The following PPP1R12B variants were observed in gnomAD, a reference collection of about 807,000 sequenced individuals.
PPP1R12B encodes the protein protein phosphatase 1 regulatory subunit 12B.
Under a neutral mutation model 126.1 loss-of-function variants are expected in PPP1R12B, and 76 were observed. The ratio of observed to expected loss-of-function variants is 0.60; its 90% CI spans 0.50 to 0.73. The LOEUF (loss-of-function observed/expected upper bound fraction) is 0.73, where lower values mean the gene tolerates loss of function less well. Among genes scored for constraint, PPP1R12B ranks in the 30% least tolerant of loss-of-function variants. The pLI, the probability that PPP1R12B is intolerant of heterozygous loss-of-function variation, is 0.00. For synonymous variants in PPP1R12B, 356 were observed against 434.7 expected (o/e 0.82, Z 2.25); for missense variants, 1,052 against 1,205.1 (o/e 0.87, Z 1.88).
chr1:202,541,056 G>T (rs1390754228), intron 18 of PPP1R12B, among the ~76,000 whole-genome samples: 1 of 152,190 alleles, frequency 6.6e-6, no homozygotes, highest in African/African-American at 2.4e-5. Flanking sequence ...CAATAGCAAG[G>T]GATGAGAAGC....
chr1:202,513,221 G>A (rs1157121155), intron 18 of PPP1R12B, among the ~76,000 whole-genome samples: 33 of 152,152 alleles, frequency 2.2e-4, no homozygotes, highest in African/African-American at 7.5e-4. Context: ...TGATCCGCCC[G>A]CCTCAGCCTC....
chr1:202,404,741 T>G (rs1558184333), intron 1 of PPP1R12B, among the ~76,000 whole-genome samples: 1 of 152,166 alleles, frequency 6.6e-6, no homozygotes, highest in Non-Finnish European at 1.5e-5. Flanking sequence ...GACCTCATGA[T>G]CCGCCCACCT....
At chr1:202,439,887 G>A (rs1198018956) in intron 10 of PPP1R12B, 3 of 298,270 alleles carry the variant, frequency 1.0e-5, no homozygotes, top group African/African-American at 2.2e-5. Context: ...TGCCCTGCTT[G>A]CCCCACACTG....
chr1:202,404,020 G>A (rs1463665826), intron 1 of PPP1R12B, among the ~76,000 whole-genome samples: 1 of 152,030 alleles, frequency 6.6e-6, no homozygotes, highest in East Asian at 1.9e-4. Flanking sequence ...TTTCCTCACT[G>A]GTGTCTCTCA....
intron 23 of PPP1R12B, among the ~76,000 whole-genome samples, chr1:202,570,788 G>A (rs924099605): frequency 1.3e-5 from 2 of 152,136 alleles, no homozygotes; most frequent in Non-Finnish European, 2.9e-5. Flanking sequence ...CTCCCGAATA[G>A]CTGGGACTAC....
chr1:202,436,291 A>G (rs767089194), intron 9 of PPP1R12B, among the ~76,000 whole-genome samples: 9 of 151,716 alleles, frequency 5.9e-5, no homozygotes, highest in Non-Finnish European at 1.3e-4. Flanking sequence ...AACAACAACA[A>G]CAACACACAC....
At chr1:202,568,627 G>T (rs1177358863) in intron 22 of PPP1R12B, among the ~76,000 whole-genome samples, 1 of 152,162 alleles carries the variant, frequency 6.6e-6, no homozygotes, top group Non-Finnish European at 1.5e-5. Context: ...AAAGAGAAAT[G>T]GAACGGGAGA....
chr1:202,458,645 C>A (rs805908), intron 13 of PPP1R12B, among the ~76,000 whole-genome samples: 4,684 of 152,214 alleles, frequency 0.031, 192 homozygotes, highest in African/African-American at 0.097. Context: ...CATTTAGTTT[C>A]TCTGGCTAGA....
In PPP1R12B at chr1:202,586,092, G is replaced by GACTT. The variant is rs1689796065; in HGVS notation, c.*5535_*5538dup. Reference sequence around the variant, plus strand: ...CATTGAGCTCCCCCTCTGGATTTTGGACTTACCAGAAGTAGGAGGTTCTGA... The same window carrying GACTT: ...CATTGAGCTCCCCCTCTGGATTTTGGACTTACTTACCAGAAGTAGGAGGTTCTGA... On this transcript the variant is annotated 3_prime_UTR_variant, in exon 24 of 24. Transcript: ENST00000608999. 2 of 152,326 alleles carry GACTT rather than the reference G, an allele frequency of 1.3e-5. No homozygotes were observed. Among genetic ancestry groups the GACTT allele is most frequent in the African/African-American group, 4.8e-5 (2 of 41,566 alleles). 9.4% of individuals were successfully genotyped at this position (152,326 alleles called of 1,614,324 possible).
At position 202,416,834 on chromosome 1, in the gene PPP1R12B, C is replaced by G. The variant is rs778973180; in HGVS notation, c.339C>G (p.Asn113Lys). The G allele has an allele frequency of 2.5e-6, 4 of 1,613,902 alleles. No individual in the cohort carries two copies. In the East Asian group the frequency reaches 6.7e-5, roughly 27 times the overall value. ...ACATGGTGAAGTTTCTGGTGGAGAA[C>G]AGAGCCAATGTAAACCAGCAAGACA... The part of the protein sequence containing the change: ...NLDMVKFLVE[N>K]RANVNQQDNE... The change falls in exon 2 of 24, where the codon AAC becomes AAG. Residue 113 changes from asparagine (N) to lysine (K), a missense_variant. Physicochemically the swap from Asn to Lys is moderately conservative, Grantham distance 94 (BLOSUM62 0). Coordinates refer to ENST00000608999, the MANE Select transcript of PPP1R12B (RefSeq NM_002481.4).
chr1:202,378,247 CTTTTTTTTTTT>C (rs386369339), intron 1 of PPP1R12B, among the ~76,000 whole-genome samples: 5 of 93,386 alleles, frequency 5.4e-5, no homozygotes, highest in African/African-American at 1.2e-4. Context: ...TGTCTTCATT[CTTTTTTTTTTT>C]TTTTTTTTTT....
chr1:202,486,082 A>G (rs1678079775), intron 13 of PPP1R12B, among the ~76,000 whole-genome samples: 1 of 152,118 alleles, frequency 6.6e-6, no homozygotes, highest in South Asian at 2.1e-4. Flanking sequence ...AGGTTTTGCC[A>G]TGTTGCCCAG....
chr1:202,426,965 A>G, intron 4 of PPP1R12B, 75 bp from the exon 5 acceptor site: 2 of 1,538,340 alleles, frequency 1.3e-6, no homozygotes, highest in Admixed American at 4.3e-5. Flanking sequence ...TGAAATATCA[A>G]TTAGGTAATA....
chr1:202,486,439 TA>T (rs1207547751), intron 13 of PPP1R12B, among the ~76,000 whole-genome samples: 1 of 152,102 alleles, frequency 6.6e-6, no homozygotes, highest in Admixed American at 6.5e-5. Context: ...GAAAATTTCT[TA>T]AAAAACAATT....
At chr1:202,394,685 C>T (rs568052642) in intron 1 of PPP1R12B, among the ~76,000 whole-genome samples, 46 of 151,514 alleles carry the variant, frequency 3.0e-4, no homozygotes, top group Admixed American at 9.2e-4. Context: ...ACCCATGAGG[C>T]GGACGTTGCG....
At chr1:202,471,881 G>T in intron 13 of PPP1R12B, 1 of 1,574,514 alleles carries the variant, frequency 6.4e-7, no homozygotes, top group Non-Finnish European at 8.6e-7. Context: ...GCTTCCTCCT[G>T]AAGGAACATC....
intron 18 of PPP1R12B, among the ~76,000 whole-genome samples, chr1:202,555,345 AAAAAAAAAG>A (rs1558368020): frequency 2.1e-5 from 3 of 144,284 alleles, no homozygotes; most frequent in Non-Finnish European, 4.6e-5. Flanking sequence ...AAAAAAAAAA[AAAAAAAAAG>A]CTTGTTTCGT....
At chr1:202,539,054 T>C (rs1684841816) in intron 18 of PPP1R12B, among the ~76,000 whole-genome samples, 1 of 152,214 alleles carries the variant, frequency 6.6e-6, no homozygotes, top group Non-Finnish European at 1.5e-5. Flanking sequence ...TTCCTCACGG[T>C]GCAACAGGAA....
intron 1 of PPP1R12B, among the ~76,000 whole-genome samples, chr1:202,350,170 A>G (rs367774589): frequency 6.6e-6 from 1 of 152,244 alleles, no homozygotes; most frequent in African/African-American, 2.4e-5. Context: ...AATAGCTTAA[A>G]AAGTTACTTC....
Sources: gnomAD v4.1 joint callset for allele counts (sites outside exome capture counted in the v4.1 genomes callset) on GRCh38, gnomAD v4.1.1 for gene constraint, MANE v1.5 for transcripts, NCBI Gene and HGNC (gene_info 2026-07-23, HGNC 2026-07-21) for gene names.